KIF16B: variants seen among roughly 807,000 people sequenced by gnomAD.
The protein encoded by KIF16B is kinesin-like protein KIF16B.
Under a neutral mutation model 156.3 loss-of-function variants are expected in KIF16B, and 98 were observed. The ratio of observed to expected loss-of-function variants is 0.63; its 90% confidence interval spans 0.53 to 0.74. KIF16B has a LOEUF of 0.74. Ranked by LOEUF, KIF16B falls within the 30% of genes least tolerant of loss-of-function variation. KIF16B has a pLI of 0.00. For missense variants in KIF16B, 1,421 were observed against 1,606.5 expected (o/e 0.88, Z 1.97); for synonymous variants, 564 against 583.7 (o/e 0.97, Z 0.49).
At chr20:16,399,643 C>T (rs560887248) in intron 17 of KIF16B, among the ~76,000 whole-genome samples, 1 of 152,316 alleles carries the variant, frequency 6.6e-6, no homozygotes, top group South Asian at 2.1e-4. Flanking sequence ...TGATCGTTGA[C>T]GGAGTCATAG....
At chr20:16,323,882 T>C (rs373730267) in intron 24 of KIF16B, among the ~76,000 whole-genome samples, 4 of 151,710 alleles carry the variant, frequency 2.6e-5, no homozygotes, top group African/African-American at 7.3e-5. Context: ...TTTGGAAACA[T>C]AGTTAGCACT....
intron 23 of KIF16B, among the ~76,000 whole-genome samples, chr20:16,351,911 C>T (rs944082319): frequency 6.6e-6 from 1 of 152,188 alleles, no homozygotes; most frequent in African/African-American, 2.4e-5. Context: ...TGTGACATAT[C>T]CATACAGTGG....
Position 16,465,545 on chromosome 20 carries a change from T to C in KIF16B, c.1302+28746A>G, listed in dbSNP as rs146211392. The stretch of plus-strand genomic sequence containing the variant: ...ATGTGGCTATATCCACGCACATTCC[T>C]ACATAAATACACACATATTTGCAAA... On this transcript the variant is annotated intron_variant, in intron 12 of 25. Coordinates refer to ENST00000354981, the MANE Select transcript of KIF16B (RefSeq NM_024704.5). Among the ~76,000 whole-genome samples the C allele has an allele frequency of 4.0e-3, 614 of 152,334 alleles. 3 individuals are homozygous for C. The highest frequency in any genetic ancestry group is 6.9e-3 in the Non-Finnish European group (472 of 68,020).
intron 17 of KIF16B, among the ~76,000 whole-genome samples, chr20:16,392,027 C>T (rs951604673): frequency 3.3e-5 from 5 of 152,150 alleles, no homozygotes; most frequent in African/African-American, 1.2e-4. Context: ...CATCTCTTTG[C>T]CGTAAGAAAT....
At chr20:16,323,200 A>C (rs2063796120) in intron 24 of KIF16B, among the ~76,000 whole-genome samples, 1 of 151,948 alleles carries the variant, frequency 6.6e-6, no homozygotes, top group African/African-American at 2.4e-5. Flanking sequence ...TTGGCTATCT[A>C]ACTTTTACCC....
intron 1 of KIF16B, among the ~76,000 whole-genome samples, chr20:16,569,879 C>T (rs576191491): frequency 6.6e-6 from 1 of 152,168 alleles, no homozygotes; most frequent in East Asian, 1.9e-4. Context: ...AAAAAAAAGC[C>T]TTTCATCTTT....
intron 6 of KIF16B, among the ~76,000 whole-genome samples, chr20:16,510,627 C>A (rs926845880): frequency 6.6e-6 from 1 of 152,008 alleles, no homozygotes; most frequent in Non-Finnish European, 1.5e-5. Flanking sequence ...CCAGCCTGGG[C>A]GACAGAGCAA....
intron 4 of KIF16B, among the ~76,000 whole-genome samples, chr20:16,513,243 A>ATG (rs398121218): frequency 2.0e-5 from 3 of 152,186 alleles, no homozygotes; most frequent in Non-Finnish European, 2.9e-5. Context: ...AATGTTAAAA[A>ATG]TACATGCTCA....
rs116908006 is a variant in KIF16B, at chr20:16,292,322, C to T, written c.3796-18911G>A. 1.3e-4 allele frequency among the ~76,000 whole-genome samples: 20 copies of T among 152,248 alleles called. No individual in the cohort carries two copies. The East Asian group carries it at 1.9e-3, about 15-fold the overall frequency. On this transcript the variant is annotated intron_variant, in intron 25 of 25. Coordinates refer to ENST00000354981, the MANE Select transcript of KIF16B (RefSeq NM_024704.5). The stretch of plus-strand genomic sequence containing the variant: ...GAACAAACTGATGTTCTCATCCATT[C>T]CCCCTCTAAATACTGTCTCAAAGGA...
At position 16,371,647 on chromosome 20, in the gene KIF16B, T is replaced by C. The variant is rs757851557; in HGVS notation, c.3447+18A>G. ...GAACGAACTTGTTACTTCGTGTTAC[T>C]TGGCTCCTTCAGCTTACCTTCATCG... On this transcript the variant is annotated intron_variant, in intron 21 of 25. Transcript: ENST00000354981. 2 of 1,502,870 alleles carry C rather than the reference T, an allele frequency of 1.3e-6. No homozygotes were observed. Among genetic ancestry groups the C allele is most frequent in the South Asian group, 2.3e-5 (2 of 87,484 alleles). The allele number at this position is 1,502,870 out of a possible 1,614,324, so 93.1% of individuals were successfully genotyped here. A position where few individuals can be genotyped will look rare whatever the true frequency, so the allele number is the denominator to read the frequency against.
chr20:16,324,188 T>G (rs1433729379), intron 24 of KIF16B, among the ~76,000 whole-genome samples: 1 of 152,070 alleles, frequency 6.6e-6, no homozygotes, highest in African/African-American at 2.4e-5. Flanking sequence ...GTCATTGTTA[T>G]CATCCATGGA....
At chr20:16,410,258 G>A (rs768093585) in intron 15 of KIF16B, among the ~76,000 whole-genome samples, 22 of 136,416 alleles carry the variant, frequency 1.6e-4, no homozygotes, top group Admixed American at 8.8e-4. Context: ...TATATATGTC[G>A]GTGTACATAT....
intron 13 of KIF16B, among the ~76,000 whole-genome samples, chr20:16,429,649 G>A (rs1035553662): frequency 2.0e-5 from 3 of 152,166 alleles, no homozygotes; most frequent in Middle Eastern, 3.4e-3. Flanking sequence ...GCAAATCAAT[G>A]GCTCATCATT....
Position 16,528,420 on chromosome 20 carries a change from T to C in KIF16B, c.68A>G (p.Lys23Arg). Residue 23 changes from lysine to arginine, a missense_variant, in exon 2 of 26, where the codon AAG becomes AGG. By Grantham distance (26) the Lys-to-Arg change is conservative. Transcript: ENST00000354981. ...GCTTTTCTCCATCTGAATAATGAAC[T>C]TGGCCTCCAAGTCCTTTTCCCTGCA... ...MNRREKDLEA[K>R]FIIQMEKSKT... 1 of 1,613,516 alleles carries C rather than the reference T, an allele frequency of 6.2e-7. No homozygotes were observed. The highest frequency in any genetic ancestry group is 1.7e-5 in the Admixed American group (1 of 60,020).
chr20:16,445,025 C>G (rs6105603), intron 12 of KIF16B, among the ~76,000 whole-genome samples: 10,405 of 151,994 alleles, frequency 0.068, 1,102 homozygotes, highest in African/African-American at 0.22. Flanking sequence ...AGATTGTGAA[C>G]GGAAAAAGGG....
chr20:16,392,165 C>T (rs1164051248), intron 17 of KIF16B, among the ~76,000 whole-genome samples: 2 of 152,170 alleles, frequency 1.3e-5, no homozygotes, highest in African/African-American at 4.8e-5. Context: ...TCCGGCCATA[C>T]AGATGCACTC....
Position 16,505,760 on chromosome 20 carries a change from T to C in KIF16B, c.962A>G (p.Asp321Gly), listed in dbSNP as rs1486041041. The C allele has an allele frequency of 3.7e-6, 6 of 1,613,790 alleles. No homozygotes were observed. The highest frequency in any genetic ancestry group is 5.1e-6 in the Non-Finnish European group (6 of 1,179,828). ...AGTTTTAGAGTTTCCTCCAAGGCTATCTTTTAACAACCAAGTCAACACAGA... is the reference window on the plus strand; with the variant it reads ...AGTTTTAGAGTTTCCTCCAAGGCTACCTTTTAACAACCAAGTCAACACAGA... ...RDSVLTWLLK[D>G]SLGGNSKTIM... The change falls in exon 9 of 26, where the codon GAT becomes GGT. Residue 321 changes from aspartate (D) to glycine (G), a missense_variant. Transcript: ENST00000354981.
intron 1 of KIF16B, among the ~76,000 whole-genome samples, chr20:16,560,224 C>G (rs145800696): frequency 7.8e-4 from 119 of 152,228 alleles, no homozygotes; most frequent in African/African-American, 2.7e-3. Flanking sequence ...GAGAACAGAC[C>G]AGATATTTTC....
intron 1 of KIF16B, among the ~76,000 whole-genome samples, chr20:16,558,925 A>G (rs2070955693): frequency 6.7e-6 from 1 of 149,550 alleles, no homozygotes; most frequent in African/African-American, 2.5e-5. Context: ...AAAAAAACCA[A>G]GTGGGGGTAA....
Sources: gnomAD v4.1 joint callset for allele counts (sites outside exome capture counted in the v4.1 genomes callset) on GRCh38, gnomAD v4.1.1 for gene constraint, MANE v1.5 for transcripts, NCBI Gene and HGNC (gene_info 2026-07-23, HGNC 2026-07-21) for gene names.